ANKRD30A: variants seen among roughly 807,000 people sequenced by gnomAD.
ANKRD30A encodes the protein ankyrin repeat domain-containing protein 30A.
Under a neutral mutation model 166.3 loss-of-function variants are expected in ANKRD30A, and 170 were observed. That is an observed-to-expected ratio of 1.02 (90% CI 0.90 to 1.16). ANKRD30A has a LOEUF of 1.16. Ranked by LOEUF, ANKRD30A falls within the 50% of genes most tolerant of loss-of-function variation. The pLI is 0.00. For missense variants in ANKRD30A, 1,630 were observed against 1,518.0 expected (o/e 1.07, Z -1.23); for synonymous variants, 564 against 508.9 (o/e 1.11, Z -1.46).
intron 29 of ANKRD30A, among the ~76,000 whole-genome samples, chr10:37,199,278 A>G (rs1264534120): frequency 2.0e-5 from 3 of 152,102 alleles, no homozygotes; most frequent in Non-Finnish European, 4.4e-5. Flanking sequence ...ATTCCTAAAA[A>G]ATCTTATTCA....
At chr10:37,134,775 G>T (rs1588751559) in intron 5 of ANKRD30A, among the ~76,000 whole-genome samples, 1 of 152,040 alleles carries the variant, frequency 6.6e-6, no homozygotes, top group East Asian at 1.9e-4. Flanking sequence ...AGACCTTCAG[G>T]GTAAGTTATC....
At chr10:37,150,376 C>G (rs1434719520) in intron 11 of ANKRD30A, among the ~76,000 whole-genome samples, 1 of 151,620 alleles carries the variant, frequency 6.6e-6, no homozygotes, top group African/African-American at 2.4e-5. Flanking sequence ...GTGTTTGGTA[C>G]CTTTACCTTG....
chr10:37,145,918 A>G (rs1348569677), intron 8 of ANKRD30A, among the ~76,000 whole-genome samples: 2 of 152,288 alleles, frequency 1.3e-5, no homozygotes, highest in Non-Finnish European at 2.9e-5. Flanking sequence ...TAATAACAAC[A>G]ATTTGGTTGA....
At chr10:37,190,224 C>G (rs560367388) in intron 25 of ANKRD30A, among the ~76,000 whole-genome samples, 12 of 151,886 alleles carry the variant, frequency 7.9e-5, no homozygotes, top group African/African-American at 2.7e-4. Flanking sequence ...ACAATTCACA[C>G]TGAGATTCAG....
intron 13 of ANKRD30A, among the ~76,000 whole-genome samples, chr10:37,153,924 T>C (rs17590385): frequency 6.6e-6 from 1 of 152,050 alleles, no homozygotes; most frequent in Non-Finnish European, 1.5e-5. Context: ...GAAAGAAGAA[T>C]GTAGTAATAG....
chr10:37,250,642 C>A, the ANKRD30A span, among the ~76,000 whole-genome samples: 3 of 152,012 alleles, frequency 2.0e-5, no homozygotes, highest in South Asian at 6.2e-4. Context: ...GAGGGCAAAC[C>A]TCTCACAAAT....
chr10:37,241,593 G>T, the ANKRD30A span, among the ~76,000 whole-genome samples: 1 of 151,894 alleles, frequency 6.6e-6, no homozygotes, highest in Non-Finnish European at 1.5e-5. Flanking sequence ...TTAGTGCTTT[G>T]TATCCTGTAA....
At chr10:37,129,096 C>G (rs536242828) in intron 1 of ANKRD30A, among the ~76,000 whole-genome samples, 2 of 152,118 alleles carry the variant, frequency 1.3e-5, no homozygotes, top group Non-Finnish European at 2.9e-5. Flanking sequence ...GTCTTTATTT[C>G]AACTCTCCTT....
chr10:37,172,012 C>T (rs1448541095), intron 21 of ANKRD30A, among the ~76,000 whole-genome samples: 1 of 145,878 alleles, frequency 6.9e-6, no homozygotes, highest in East Asian at 2.0e-4. Context: ...AACCACATTA[C>T]TTTAGAAAAC....
At chr10:37,263,418 T>C in the ANKRD30A span, among the ~76,000 whole-genome samples, 1 of 151,852 alleles carries the variant, frequency 6.6e-6, no homozygotes, top group Admixed American at 6.6e-5. Context: ...TACATTGTAA[T>C]GTATAAGAAA....
the ANKRD30A span, among the ~76,000 whole-genome samples, chr10:37,239,277 A>G: frequency 1.4e-4 from 21 of 152,200 alleles, no homozygotes; most frequent in Non-Finnish European, 2.8e-4. Context: ...CTAGAAAGTT[A>G]TGAATCAAGC....
rs546798729 is a variant in ANKRD30A at position 37,139,491 on chromosome 10, A to G, written c.821-2227A>G. ...TCAAAGGTTAGTCTTAAGACCACAT[A>G]AGTAAACAAGCTATTTAGATAAACT... On this transcript the variant is annotated intron_variant, in intron 6 of 35. Coordinates refer to ENST00000361713, the MANE Select transcript of ANKRD30A (RefSeq NM_052997.3). Among the ~76,000 whole-genome samples, 19 of 152,352 alleles carry G rather than the reference A, an allele frequency of 1.2e-4. 1 individual carries two copies. In the East Asian group the frequency reaches 3.1e-3, roughly 25 times the overall value.
chr10:37,178,350 C>T (rs1839897122), intron 24 of ANKRD30A: 1 of 272,186 alleles, frequency 3.7e-6, no homozygotes, highest in Non-Finnish European at 5.7e-6. Context: ...TATAAATTGT[C>T]ATATACACTC....
At position 37,158,495 on chromosome 10, in the gene ANKRD30A, T is replaced by G. The variant is rs917558422; in HGVS notation, c.1828-19T>G. 7 of 1,613,404 alleles carry G rather than the reference T, an allele frequency of 4.3e-6. No homozygotes were observed. Among genetic ancestry groups the G allele is most frequent in the Admixed American group, 1.7e-5 (1 of 59,970 alleles). ...AGTATACATTGTATATTAATTGTTTTGTTTCCAAACCCATTTAGGCTACCT... is the reference window on the plus strand; with the variant it reads ...AGTATACATTGTATATTAATTGTTTGGTTTCCAAACCCATTTAGGCTACCT... On this transcript the variant is annotated intron_variant, in intron 14 of 35. Transcript: ENST00000361713.
chr10:37,166,097 G>C (rs1393605941), intron 18 of ANKRD30A, among the ~76,000 whole-genome samples: 1 of 152,052 alleles, frequency 6.6e-6, no homozygotes, highest in African/African-American at 2.4e-5. Context: ...AAAGAAAGCA[G>C]CTTTTTCAAA....
intron 34 of ANKRD30A, among the ~76,000 whole-genome samples, chr10:37,230,503 T>C (rs111265167): frequency 1.2e-3 from 188 of 152,204 alleles, no homozygotes; most frequent in Middle Eastern, 6.8e-3. Context: ...TTCAGCTAAG[T>C]ATTTTTGAAG....
At position 37,199,775 on chromosome 10, in the gene ANKRD30A, C is replaced by G. The variant is rs1439652543; in HGVS notation, c.2765C>G (p.Ser922Cys). Residue 922 changes from serine (S) to cysteine (C), a missense_variant, in exon 30 of 36, where the codon TCT (serine) becomes TGT (cysteine). Physicochemically the swap from Ser to Cys is moderately radical, Grantham distance 112. This residue lies in a region of ANKRD30A where 712 missense variants were observed against 629.3 expected (regional missense o/e 1.13). Coordinates refer to ENST00000361713, the MANE Select transcript of ANKRD30A (RefSeq NM_052997.3). ...ESKQKKVEEN[S>C]WDSESLRETV... ...AAACAAAAGAAGGTTGAAGAAAATT[C>G]TTGGGATTCTGAGGTACTATGTGTT... 1 of 1,572,286 alleles carries G rather than the reference C, an allele frequency of 6.4e-7. No homozygotes were observed. The highest frequency in any genetic ancestry group is 1.4e-5 in the African/African-American group (1 of 73,208).
At chr10:37,144,945 T>G (rs767794156) in intron 7 of ANKRD30A, 50 bp from the exon 8 acceptor site, 1 of 995,872 alleles carries the variant, frequency 1.0e-6, no homozygotes, top group Admixed American at 4.6e-5. Context: ...TTTTAAAAAT[T>G]TATAATAAGA....
chr10:37,224,286 T>A (rs1322104357), intron 34 of ANKRD30A, among the ~76,000 whole-genome samples: 1 of 151,296 alleles, frequency 6.6e-6, no homozygotes, highest in Non-Finnish European at 1.5e-5. Flanking sequence ...TCTAAAAATA[T>A]GTCTTTGTTA....
Sources: allele counts gnomAD v4.1 joint callset (sites outside exome capture counted in the v4.1 genomes callset), GRCh38; gene constraint gnomAD v4.1.1; regional missense constraint gnomAD v4.1.1; transcripts MANE v1.5; gene names NCBI Gene and HGNC (gene_info 2026-07-23, HGNC 2026-07-21).